CELF2: variants seen among roughly 807,000 people sequenced by gnomAD.
CELF2 encodes CUGBP Elav-like family member 2.
In CELF2, 8 loss-of-function variants were observed where a neutral mutation model predicts 62.6. That is an observed-to-expected ratio of 0.13 (90% CI 0.07 to 0.23). The LOEUF (loss-of-function observed/expected upper bound fraction) is 0.23, where lower values mean the gene tolerates loss of function less well. Ranked by LOEUF, CELF2 falls within the 10% of genes least tolerant of loss-of-function variation. CELF2 has a pLI of 1.00. For missense variants in CELF2, 333 were observed against 671.0 expected (o/e 0.50, Z 5.56); for synonymous variants, 258 against 250.0 (o/e 1.03, Z -0.30).
intron 1 of CELF2, among the ~76,000 whole-genome samples, chr10:11,070,350 T>C (rs186118356): frequency 3.9e-4 from 59 of 152,282 alleles, no homozygotes; most frequent in South Asian, 1.0e-3. Context: ...CGGGCACCCA[T>C]GATCCAGGGA....
In CELF2 at chr10:11,039,662, A is replaced by G. The variant is rs150346218; in HGVS notation, c.74+21499A>G. On this transcript the variant is annotated intron_variant, in intron 1 of 12. Transcript: ENST00000633077. This position sits in a 1 kb window ranked among gnomAD's most constrained non-coding sequence, Gnocchi z 4.1. ...TCCATTTAAAGCCACTCAATGGAAGATAGGTTAAGTGTACTTCATAATTTT... is the reference window on the plus strand; with the variant it reads ...TCCATTTAAAGCCACTCAATGGAAGGTAGGTTAAGTGTACTTCATAATTTT... 8.1e-4 allele frequency among the ~76,000 whole-genome samples: 123 copies of G among 152,380 alleles called. 2 individuals are homozygous for G. Among genetic ancestry groups the G allele is most frequent in the Non-Finnish European group, 1.5e-3 (105 of 68,032 alleles).
At chr10:10,657,085 A>C in the CELF2 span, among the ~76,000 whole-genome samples, 2 of 152,216 alleles carry the variant, frequency 1.3e-5, no homozygotes, top group Non-Finnish European at 2.9e-5. Flanking sequence ...ATTATTCAGC[A>C]GATTGATAGA....
intron 1 of CELF2, among the ~76,000 whole-genome samples, chr10:10,850,951 G>A (rs1003910867): frequency 3.9e-5 from 6 of 151,988 alleles, no homozygotes; most frequent in Non-Finnish European, 8.8e-5. Context: ...GATTATAGGC[G>A]CCCCCCACCA....
intron 1 of CELF2, among the ~76,000 whole-genome samples, chr10:11,048,720 A>G (rs1442086208): frequency 3.3e-5 from 5 of 152,236 alleles, no homozygotes; most frequent in African/African-American, 1.2e-4. Flanking sequence ...TATAAACTGG[A>G]TACATTACAG....
At chr10:10,897,330 T>C (rs894064693) in intron 1 of CELF2, among the ~76,000 whole-genome samples, 1 of 152,112 alleles carries the variant, frequency 6.6e-6, no homozygotes, top group Non-Finnish European at 1.5e-5. Flanking sequence ...CTGAATTGCC[T>C]TGTAGGGTCC....
chr10:10,736,852 G>T, the CELF2 span, among the ~76,000 whole-genome samples: 2 of 152,104 alleles, frequency 1.3e-5, no homozygotes, highest in East Asian at 3.9e-4. Flanking sequence ...TTTGGATCGT[G>T]ATGATTGGTA....
At chr10:10,675,748 G>T in the CELF2 span, among the ~76,000 whole-genome samples, 72 of 152,168 alleles carry the variant, frequency 4.7e-4, no homozygotes, top group African/African-American at 1.6e-3. Context: ...CCTCCAATAA[G>T]CCCATTAAAG....
chr10:11,301,488 A>C (rs1212845009), intron 9 of CELF2, among the ~76,000 whole-genome samples: 3 of 5,804 alleles, frequency 5.2e-4, no homozygotes, highest in East Asian at 2.4e-3. Context: ...TTCCCCCCCT[A>C]CCGCACCCCC....
intron 3 of CELF2, among the ~76,000 whole-genome samples, chr10:11,221,203 G>T (rs1379102154): frequency 6.6e-6 from 1 of 152,126 alleles, no homozygotes; most frequent in Non-Finnish European, 1.5e-5. Context: ...GACTAATTTT[G>T]GTTGCACCTG....
intron 1 of CELF2, among the ~76,000 whole-genome samples, chr10:11,158,703 A>C (rs1480869766): frequency 6.6e-6 from 1 of 152,094 alleles, no homozygotes; most frequent in African/African-American, 2.4e-5. Context: ...CCTTTTCCAA[A>C]TGCCTGTGTT....
the CELF2 span, among the ~76,000 whole-genome samples, chr10:10,517,093 A>G: frequency 6.6e-6 from 1 of 152,256 alleles, no homozygotes; most frequent in African/African-American, 2.4e-5. Flanking sequence ...AAGAAGGACC[A>G]GCAACATAAT....
chr10:11,304,213 G>A (rs1472975184), intron 9 of CELF2, among the ~76,000 whole-genome samples: 4 of 152,082 alleles, frequency 2.6e-5, no homozygotes, highest in Non-Finnish European at 5.9e-5. Context: ...CCCGGCTTCT[G>A]CAGGCCACCA....
chr10:11,326,815 A>C (rs1479411037), intron 12 of CELF2, among the ~76,000 whole-genome samples: 1 of 152,200 alleles, frequency 6.6e-6, no homozygotes, highest in East Asian at 1.9e-4. Context: ...GCAATTTAAT[A>C]ATTCATGCTG....
chr10:10,610,708 C>T, the CELF2 span, among the ~76,000 whole-genome samples: 24 of 152,082 alleles, frequency 1.6e-4, no homozygotes, highest in Non-Finnish European at 2.9e-5. Context: ...CTCTGTGATG[C>T]CCAAAAAGTC....
chr10:10,702,233 AG>A, the CELF2 span, among the ~76,000 whole-genome samples: 8 of 152,202 alleles, frequency 5.3e-5, no homozygotes, highest in African/African-American at 1.9e-4. Context: ...AATGGGGAGA[AG>A]GGGGAAACAG....
chr10:10,509,438 G>C, the CELF2 span, among the ~76,000 whole-genome samples: 9 of 152,266 alleles, frequency 5.9e-5, no homozygotes, highest in African/African-American at 2.2e-4. Flanking sequence ...CAGTCCATTT[G>C]CCCTTTCCAC....
Position 11,302,293 on chromosome 10 carries a change from G to T in CELF2, c.977-11846G>T, listed in dbSNP as rs1329208447. On this transcript the variant is annotated intron_variant, in intron 9 of 12. Transcript: ENST00000633077. The surrounding 1 kb of genome is among the most constrained non-coding windows in gnomAD (Gnocchi z 5.0). ...TGATGGAATTTGACAGCACCGCATC[G>T]GATAGTCCTGACACACGTGGTTCTC... Among the ~76,000 whole-genome samples the T allele has an allele frequency of 2.0e-5, 3 of 152,146 alleles. No homozygotes were observed. Among genetic ancestry groups the T allele is most frequent in the Non-Finnish European group, 4.4e-5 (3 of 68,028 alleles).
At chr10:10,963,001 T>C (rs1489461763) in intron 2 of CELF2, among the ~76,000 whole-genome samples, 1 of 11,048 alleles carries the variant, frequency 9.1e-5, no homozygotes, top group South Asian at 2.4e-3. Context: ...GAAATTCTGT[T>C]TTGTTTTGTT....
upstream of CELF2, chr10:11,005,255 GGAGAGAGAGAGA>G (rs529664321): frequency 2.4e-4 from 281 of 1,176,874 alleles, no homozygotes; most frequent in Middle Eastern, 1.8e-3. This position sits in a 1 kb window ranked among gnomAD's most constrained non-coding sequence, Gnocchi z 4.3. Context: ...AGAGAGAGAG[GGAGAGAGAGAGA>G]GAGAGAGAGA....
Sources: allele counts gnomAD v4.1 joint callset (sites outside exome capture counted in the v4.1 genomes callset), GRCh38; gene constraint gnomAD v4.1.1; non-coding constraint Gnocchi (gnomAD v3.1); transcripts MANE v1.5; gene names NCBI Gene and HGNC (gene_info 2026-07-23, HGNC 2026-07-21).